SLC25A26: variants seen among roughly 807,000 people sequenced by gnomAD.
SLC25A26 encodes the protein solute carrier family 25 member 26.
A neutral mutation model predicts 37.8 loss-of-function variants in SLC25A26; 36 were observed. The observed-to-expected ratio is 0.95, with a 90% CI of 0.73 to 1.26. SLC25A26 has a LOEUF of 1.26. SLC25A26 is among the 50% of genes most tolerant of loss of function. The probability of loss-of-function intolerance (pLI) is 0.00; values close to 1 mark genes in which losing one functional copy is unlikely to be tolerated. For synonymous variants in SLC25A26, 129 were observed against 122.5 expected (o/e 1.05, Z -0.35); for missense variants, 390 against 331.1 (o/e 1.18, Z -1.38).
chr3:66,366,876 G>C (rs1401414516), intron 7 of SLC25A26, among the ~76,000 whole-genome samples: 1 of 152,148 alleles, frequency 6.6e-6, no homozygotes, highest in Non-Finnish European at 1.5e-5. Flanking sequence ...GTGTGGCCTG[G>C]GCAAGTAAGT....
intron 5 of SLC25A26, among the ~76,000 whole-genome samples, chr3:66,287,019 G>A (rs549820559): frequency 3.7e-4 from 56 of 152,180 alleles, no homozygotes; most frequent in African/African-American, 1.3e-3. Context: ...AAAGCAGGCT[G>A]GGTGCGGTGG....
At chr3:66,238,657 G>T (rs138327553) in intron 2 of SLC25A26, among the ~76,000 whole-genome samples, 8 of 152,250 alleles carry the variant, frequency 5.3e-5, no homozygotes, top group African/African-American at 1.2e-4. Flanking sequence ...GAGCCACTGC[G>T]CCTGGCAAAT....
intron 3 of SLC25A26, among the ~76,000 whole-genome samples, chr3:66,257,687 C>T (rs751064188): frequency 1.3e-5 from 2 of 152,186 alleles, no homozygotes; most frequent in Non-Finnish European, 2.9e-5. Flanking sequence ...TTTCCCCCAT[C>T]GTATGTGCAA....
chr3:66,174,015 T>C (rs1212293489), intron 1 of SLC25A26, among the ~76,000 whole-genome samples: 1 of 151,420 alleles, frequency 6.6e-6, no homozygotes, highest in Non-Finnish European at 1.5e-5. Context: ...ATCGTGCCAC[T>C]GCGCTCCAGC....
At position 66,369,516 on chromosome 3, in the gene SLC25A26, G is replaced by A. The variant is rs1257877786; in HGVS notation, c.607G>A (p.Ala203Thr). 6.2e-7 allele frequency: 1 copy of A among 1,603,738 alleles called. No homozygotes were observed. Among genetic ancestry groups the A allele is most frequent in the Non-Finnish European group, 8.5e-7 (1 of 1,175,172 alleles). Residue 203 changes from alanine to threonine, a missense_variant, in exon 8 of 10, where the codon GCA becomes ACA. Ala to Thr is a moderately conservative substitution (Grantham distance 58). Coordinates refer to ENST00000354883, the MANE Select transcript of SLC25A26 (RefSeq NM_001379210.1). ...TGCAGTCACCACCCCTCTAGACGTG[G>A]CAAAGACAAGAATTACGCTGGCAAA... is the stretch of plus-strand genomic sequence containing the variant. ...AAAVTTPLDV[A>T]KTRITLAKAG...
At chr3:66,171,606 C>G (rs1461854774) in intron 1 of SLC25A26, among the ~76,000 whole-genome samples, 1 of 152,104 alleles carries the variant, frequency 6.6e-6, no homozygotes, top group African/African-American at 2.4e-5. Context: ...TCTCATGCCT[C>G]AGCCTCCCAA....
At chr3:66,334,809 G>A (rs2076058152) in intron 5 of SLC25A26, among the ~76,000 whole-genome samples, 2 of 152,040 alleles carry the variant, frequency 1.3e-5, no homozygotes, top group Admixed American at 1.3e-4. Flanking sequence ...ATGTGACTGG[G>A]AAATACACGT....
chr3:66,254,180 T>C (rs1405857016), intron 3 of SLC25A26, among the ~76,000 whole-genome samples: 3 of 152,198 alleles, frequency 2.0e-5, no homozygotes, highest in Non-Finnish European at 2.9e-5. Flanking sequence ...GATTTGTAAA[T>C]TGGTTTTGTC....
intron 3 of SLC25A26, among the ~76,000 whole-genome samples, chr3:66,251,890 A>G (rs1393922436): frequency 2.0e-5 from 3 of 152,008 alleles, no homozygotes; most frequent in Non-Finnish European, 2.9e-5. Context: ...TATTTCATTG[A>G]TTTTTTTATT....
chr3:66,134,563 C>T (rs1321270462), intron 1 of SLC25A26, among the ~76,000 whole-genome samples: 3 of 152,182 alleles, frequency 2.0e-5, no homozygotes, highest in Non-Finnish European at 4.4e-5. Context: ...TTCCAAACAC[C>T]CTCAAGTTAC....
chr3:66,191,832 G>A (rs942777461), intron 1 of SLC25A26, among the ~76,000 whole-genome samples: 49 of 151,424 alleles, frequency 3.2e-4, no homozygotes, highest in African/African-American at 1.1e-3. Context: ...TGGAGGTTGC[G>A]GTGAGCGGAG....
At chr3:66,349,556 T>G (rs2076403299) in intron 6 of SLC25A26, among the ~76,000 whole-genome samples, 2 of 152,236 alleles carry the variant, frequency 1.3e-5, no homozygotes, top group South Asian at 4.1e-4. Flanking sequence ...TTTATTACTT[T>G]GTAGTATTCC....
chr3:66,312,536 A>G (rs1275713355), intron 5 of SLC25A26, among the ~76,000 whole-genome samples: 1 of 151,656 alleles, frequency 6.6e-6, no homozygotes, highest in East Asian at 1.9e-4. Context: ...GTACGAAGAA[A>G]AAAAAGAAAC....
chr3:66,264,376 A>G (rs982691511), intron 5 of SLC25A26, among the ~76,000 whole-genome samples: 39 of 152,290 alleles, frequency 2.6e-4, no homozygotes, highest in African/African-American at 7.5e-4. Context: ...GCCTTCTAAG[A>G]CAGGGACCCC....
intron 5 of SLC25A26, among the ~76,000 whole-genome samples, chr3:66,316,297 C>T (rs548438303): frequency 8.1e-4 from 123 of 152,294 alleles, no homozygotes; most frequent in African/African-American, 2.8e-3. Flanking sequence ...GGAACTCTTG[C>T]AAGGCAGGCT....
intron 5 of SLC25A26, among the ~76,000 whole-genome samples, chr3:66,286,400 T>G (rs1464818743): frequency 1.3e-5 from 2 of 152,162 alleles, no homozygotes; most frequent in African/African-American, 2.4e-5. Flanking sequence ...CAAAGTTTGT[T>G]TTTTGCATAT....
chr3:66,349,081 C>G (rs762768358), intron 6 of SLC25A26, among the ~76,000 whole-genome samples: 4 of 152,136 alleles, frequency 2.6e-5, no homozygotes, highest in Non-Finnish European at 5.9e-5. Context: ...AAGGAAAAAG[C>G]ATAGTGTTTA....
intron 2 of SLC25A26, among the ~76,000 whole-genome samples, chr3:66,239,816 C>CTTTTTTTTTT (rs536690709): frequency 1.8e-4 from 20 of 110,102 alleles, no homozygotes; most frequent in Non-Finnish European, 2.5e-4. Context: ...TCCTTTCTTT[C>CTTTTTTTTTT]TTTTTTTTTT....
rs1315307457 is a variant in SLC25A26, at chr3:66,322,401, T to A, written c.454-23963T>A. Among the ~76,000 whole-genome samples, 4 of 152,312 alleles carry A rather than the reference T, an allele frequency of 2.6e-5. No individual in the cohort carries two copies. The East Asian group carries it at 7.7e-4, about 29-fold the overall frequency. On this transcript the variant is annotated intron_variant, in intron 5 of 9. Transcript: ENST00000354883. ...CTAGTTTATGGGATAAAAATAAAAA[T>A]TCGATCAGTGGTTGCTACAGTTTCA... is the stretch of plus-strand genomic sequence containing the variant.
Sources: gnomAD v4.1 joint callset for allele counts (sites outside exome capture counted in the v4.1 genomes callset) on GRCh38, gnomAD v4.1.1 for gene constraint, MANE v1.5 for transcripts, NCBI Gene and HGNC (gene_info 2026-07-23, HGNC 2026-07-21) for gene names.